The following GREM1 variants were observed in gnomAD, a reference collection of about 807,000 sequenced individuals.
GREM1 encodes the protein gremlin-1.
Under a neutral mutation model 13.1 loss-of-function variants are expected in GREM1, and 6 were observed. The ratio of observed to expected loss-of-function variants is 0.46; its 90% CI spans 0.25 to 0.91. GREM1 has a LOEUF of 0.91. Ranked by LOEUF, GREM1 falls within the 40% of genes least tolerant of loss-of-function variation. GREM1 has a pLI of 0.18. For synonymous variants in GREM1, 98 were observed against 93.7 expected (o/e 1.05, Z -0.27); for missense variants, 185 against 233.9 (o/e 0.79, Z 1.36).
chr15:32,727,489 CATATCTCAAA>C (rs995790975), intron 1 of GREM1, among the ~76,000 whole-genome samples: 3 of 152,134 alleles, frequency 2.0e-5, no homozygotes, highest in Non-Finnish European at 4.4e-5. Context: ...ATTGATGAAA[CATATCTCAAA>C]ATAATAAGAG....
At chr15:32,730,550 C>G in intron 1 of GREM1, 140 bp from the exon 2 acceptor site, 1 of 622,924 alleles carries the variant, frequency 1.6e-6, no homozygotes, top group South Asian at 2.4e-5. Context: ...CTAATTCATA[C>G]AGGTACTGTG....
rs959555295 is a variant in GREM1, at chr15:32,730,569, A to G, written c.-1-121A>G. ...TTCATACAGGTACTGTGAGAAGTAA[A>G]TGGAATATTTCACGTTAAGTGTTTA... is the stretch of plus-strand genomic sequence containing the variant. On this transcript the variant is annotated intron_variant, in intron 1 of 1. Transcript: ENST00000651154. 17 of 677,384 alleles carry G rather than the reference A, an allele frequency of 2.5e-5. No homozygotes were observed. The East Asian group carries it at 3.4e-4, about 13-fold the overall frequency. 42.0% of individuals were successfully genotyped at this position (677,384 alleles called of 1,614,324 possible). A position where few individuals can be genotyped will look rare whatever the true frequency, so the allele number is the denominator to read the frequency against.
At chr15:32,730,665 C>T in intron 1 of GREM1, 25 bp from the exon 2 acceptor site, 1 of 1,484,232 alleles carries the variant, frequency 6.7e-7, no homozygotes, top group Non-Finnish European at 9.0e-7. Context: ...TTGTGTCTTC[C>T]CCTCTCTGTG....
Position 32,731,782 on chromosome 15 carries a change from CA to C in GREM1, c.*539del, listed in dbSNP as rs2055624543. The C allele has an allele frequency of 1.1e-4, 27 of 238,176 alleles. No individual in the cohort carries two copies. The South Asian group carries it at 4.9e-3, about 44-fold the overall frequency. The allele number at this position is 238,176 out of a possible 1,614,324, so 14.8% of individuals were successfully genotyped here. On this transcript the variant is annotated 3_prime_UTR_variant, in exon 2 of 2. Transcript: ENST00000651154. ...TATGTCAGTCTAATCTCTTGTTTGC[CA>C]AGGTTCCTAAATTAATTCACTTAAC... is the stretch of plus-strand genomic sequence containing the variant.
At chr15:32,730,567 A>G in intron 1 of GREM1, 123 bp from the exon 2 acceptor site, 2 of 674,654 alleles carry the variant, frequency 3.0e-6, no homozygotes, top group Non-Finnish European at 5.0e-6. Flanking sequence ...TGTGAGAAGT[A>G]AATGGAATAT....
Position 32,738,104 on chromosome 15 carries a change from A to ACAACAAC in GREM1, c.*6859_*6860insCAACAAC, listed in dbSNP as rs2055723109. ...TAGGCAAAAAAAAAAAAAAAAAAAA[A>ACAACAAC]AAAAAAAAAAAAAAAAAAAAAAAAA... is the stretch of plus-strand genomic sequence containing the variant. On this transcript the variant is annotated 3_prime_UTR_variant, in exon 2 of 2. Coordinates refer to ENST00000651154, the MANE Select transcript of GREM1 (RefSeq NM_013372.7). 1 of 103,518 alleles carries ACAACAAC rather than the reference A, an allele frequency of 9.7e-6. No individual in the cohort carries two copies. The highest frequency in any genetic ancestry group is 2.3e-4 in the East Asian group (1 of 4,412). The allele number at this position is 103,518 out of a possible 1,614,324, so 6.4% of individuals were successfully genotyped here.
At chr15:32,725,939 A>G (rs1184737972) in intron 1 of GREM1, among the ~76,000 whole-genome samples, 1 of 152,146 alleles carries the variant, frequency 6.6e-6, no homozygotes, top group Non-Finnish European at 1.5e-5. Flanking sequence ...CAAAGATCAG[A>G]CGGTTGTAGA....
chr15:32,728,142 A>ATT (rs2055547028), intron 1 of GREM1, among the ~76,000 whole-genome samples: 2 of 152,196 alleles, frequency 1.3e-5, no homozygotes, highest in Non-Finnish European at 2.9e-5. Context: ...ACTACTTTAA[A>ATT]TTTCATATGG....
chr15:32,741,193 C>G lies in GREM1; in HGVS notation c.*9948C>G, dbSNP rs2055758337. ...GATTGATATATTTAAAGTGAATGGTCTGGAAGGCAAGGAAGCTCATTCCAA... is the reference window on the plus strand; with the variant it reads ...GATTGATATATTTAAAGTGAATGGTGTGGAAGGCAAGGAAGCTCATTCCAA... On this transcript the variant is annotated 3_prime_UTR_variant, in exon 2 of 2. Coordinates refer to ENST00000651154, the MANE Select transcript of GREM1 (RefSeq NM_013372.7). The G allele has an allele frequency of 6.6e-6, 1 of 152,252 alleles. No individual in the cohort carries two copies. Among genetic ancestry groups the G allele is most frequent in the East Asian group, 1.9e-4 (1 of 5,180 alleles). The allele number at this position is 152,252 out of a possible 1,614,324, so 9.4% of individuals were successfully genotyped here.
rs139291638 is a variant in GREM1 at position 32,732,202 on chromosome 15, AAG to A, written c.*962_*963del. ...CCTCTGCTTTGTCCCTCAGGTGGAA[AAG>A]AGAGGTAGTTTAGAACTCTCTGCAT... On this transcript the variant is annotated 3_prime_UTR_variant, in exon 2 of 2. Coordinates refer to ENST00000651154, the MANE Select transcript of GREM1 (RefSeq NM_013372.7). The A allele has an allele frequency of 0.011, 2,743 of 241,662 alleles. 94 individuals carry two copies. Among genetic ancestry groups the A allele is most frequent in the African/African-American group, 0.058 (2,607 of 45,120 alleles). 15.0% of individuals were successfully genotyped at this position (241,662 alleles called of 1,614,324 possible). A position where few individuals can be genotyped will look rare whatever the true frequency, so the allele number is the denominator to read the frequency against.
chr15:32,726,681 C>T (rs1483815286), intron 1 of GREM1, among the ~76,000 whole-genome samples: 2 of 146,868 alleles, frequency 1.4e-5, no homozygotes, highest in African/African-American at 5.0e-5. Context: ...CACAAAAAAC[C>T]CTTCAAAAAA....
intron 1 of GREM1, 73 bp downstream of exon 1, chr15:32,718,234 C>T (rs2055328996): frequency 8.6e-7 from 1 of 1,166,616 alleles, no homozygotes; most frequent in African/African-American, 1.5e-5. Context: ...CCAGGACCCG[C>T]TCAGTTCCAC....
chr15:32,723,937 C>T (rs1250615331), intron 1 of GREM1, among the ~76,000 whole-genome samples: 6 of 152,222 alleles, frequency 3.9e-5, no homozygotes, highest in Non-Finnish European at 5.9e-5. Context: ...GAGAGTTAGA[C>T]ATCCAAAGGA....
Position 32,718,074 on chromosome 15 carries a change from C to A in GREM1, c.-89C>A, listed in dbSNP as rs2055324501. 1.6e-6 allele frequency: 2 copies of A among 1,217,428 alleles called. No homozygotes were observed. The highest frequency in any genetic ancestry group is 1.0e-6 in the Non-Finnish European group (1 of 966,138). 75.4% of individuals were successfully genotyped at this position (1,217,428 alleles called of 1,614,324 possible). ...CGCGTCACTCTCGGTCCCGCTGACC[C>A]CGCGCCGAGCCCCGGCGGCTCTGGC... is the stretch of plus-strand genomic sequence containing the variant. On this transcript the variant is annotated 5_prime_UTR_variant, in exon 1 of 2. Coordinates refer to ENST00000651154, the MANE Select transcript of GREM1 (RefSeq NM_013372.7).
At chr15:32,730,267 A>G (rs951580856) in intron 1 of GREM1, among the ~76,000 whole-genome samples, 1 of 152,244 alleles carries the variant, frequency 6.6e-6, no homozygotes, top group African/African-American at 2.4e-5. Flanking sequence ...GTTGGGGAGA[A>G]AAGACTGGGA....
rs1381837141 is a variant in GREM1, at chr15:32,718,164, G to C, written c.-2+3G>C. 1.5e-6 allele frequency: 2 copies of C among 1,334,058 alleles called. No individual in the cohort carries two copies. Among genetic ancestry groups the C allele is most frequent in the Middle Eastern group, 2.0e-4 (1 of 5,002 alleles). The allele number at this position is 1,334,058 out of a possible 1,614,324, so 82.6% of individuals were successfully genotyped here. ...CCGAGGACCCGCCGCACTGACAGGT[G>C]AGCGCGGACGCACCCGGCAGGGATG... On this transcript the variant is annotated splice_donor_region_variant and intron_variant, in intron 1 of 1. Coordinates refer to ENST00000651154, the MANE Select transcript of GREM1 (RefSeq NM_013372.7).
chr15:32,741,531 C>T lies in GREM1; in HGVS notation c.*10286C>T, dbSNP rs1005632907. 1.2e-4 allele frequency: 18 copies of T among 151,806 alleles called. No individual in the cohort carries two copies. Among genetic ancestry groups the T allele is most frequent in the African/African-American group, 4.3e-4 (18 of 41,434 alleles). 9.4% of individuals were successfully genotyped at this position (151,806 alleles called of 1,614,324 possible). A position where few individuals can be genotyped will look rare whatever the true frequency, so the allele number is the denominator to read the frequency against. ...GATTTTTGTATGTTGATTTTGTATC[C>T]TCCAACTTTACTGAATTTATTAGTT... On this transcript the variant is annotated 3_prime_UTR_variant, in exon 2 of 2. Coordinates refer to ENST00000651154, the MANE Select transcript of GREM1 (RefSeq NM_013372.7).
rs1412052347 is a variant in GREM1, at chr15:32,736,657, C to T, written c.*5412C>T. 6.6e-6 allele frequency: 1 copy of T among 152,110 alleles called. No individual in the cohort carries two copies. Among genetic ancestry groups the T allele is most frequent in the Non-Finnish European group, 1.5e-5 (1 of 68,032 alleles). The allele number at this position is 152,110 out of a possible 1,614,324, so 9.4% of individuals were successfully genotyped here. A position where few individuals can be genotyped will look rare whatever the true frequency, so the allele number is the denominator to read the frequency against. ...TGTACAACTATTAGATGACTACTAA[C>T]CAAGCAGAGACTTCAGTGTCCACAC... On this transcript the variant is annotated 3_prime_UTR_variant, in exon 2 of 2. Transcript: ENST00000651154.
At position 32,737,468 on chromosome 15, in the gene GREM1, C is replaced by G. The variant is rs753411226; in HGVS notation, c.*6223C>G. On this transcript the variant is annotated 3_prime_UTR_variant, in exon 2 of 2. Coordinates refer to ENST00000651154, the MANE Select transcript of GREM1 (RefSeq NM_013372.7). Reference sequence around the variant, plus strand: ...AGGAATGCAAGATTGATTTAACCATCAGTGTAATGCATCATATTAATAGAA... The same window carrying G: ...AGGAATGCAAGATTGATTTAACCATGAGTGTAATGCATCATATTAATAGAA... 2 of 152,174 alleles carry G rather than the reference C, an allele frequency of 1.3e-5. No homozygotes were observed. Among genetic ancestry groups the G allele is most frequent in the Non-Finnish European group, 2.9e-5 (2 of 68,038 alleles). 9.4% of individuals were successfully genotyped at this position (152,174 alleles called of 1,614,324 possible).
Sources: allele counts gnomAD v4.1 joint callset (sites outside exome capture counted in the v4.1 genomes callset), GRCh38; gene constraint gnomAD v4.1.1; transcripts MANE v1.5; gene names NCBI Gene and HGNC (gene_info 2026-07-23, HGNC 2026-07-21).